The following GFAP variants were observed in gnomAD, a reference collection of about 807,000 sequenced individuals.
The protein encoded by GFAP is intermediate filament protein.
In GFAP, 38 loss-of-function variants were observed where a neutral mutation model predicts 49.3. The ratio of observed to expected loss-of-function variants is 0.77; its 90% CI spans 0.60 to 1.01. GFAP has a LOEUF of 1.01. Ranked by LOEUF, GFAP falls within the 50% of genes least tolerant of loss-of-function variation. The pLI is 0.00. For synonymous variants in GFAP, 222 were observed against 236.4 expected (o/e 0.94, Z 0.56); for missense variants, 463 against 579.1 (o/e 0.80, Z 2.06).
chr17:44,907,185 C>G lies in GFAP; in HGVS notation c.*162G>C, dbSNP rs891415429. ...TCTGGCAGGCCTGATACTGACGGAGCCTAGGGCAGCAAGCTGACCTAGGGA... is the reference window on the plus strand; with the variant it reads ...TCTGGCAGGCCTGATACTGACGGAGGCTAGGGCAGCAAGCTGACCTAGGGA... On this transcript the variant is annotated 3_prime_UTR_variant, in exon 9 of 9. Transcript: ENST00000588735. 3 of 701,854 alleles carry G rather than the reference C, an allele frequency of 4.3e-6. No individual in the cohort carries two copies. In the African/African-American group the frequency reaches 5.2e-5, roughly 12 times the overall value. 43.5% of individuals were successfully genotyped at this position (701,854 alleles called of 1,614,324 possible). A position where few individuals can be genotyped will look rare whatever the true frequency, so the allele number is the denominator to read the frequency against.
At position 44,907,077 on chromosome 17, in the gene GFAP, AGCT is replaced by A. The variant is rs1202350292; in HGVS notation, c.*267_*269del. 3.6e-6 allele frequency: 2 copies of A among 559,498 alleles called. No homozygotes were observed. The highest frequency in any genetic ancestry group is 6.4e-6 in the Non-Finnish European group (2 of 310,176). The allele number at this position is 559,498 out of a possible 1,614,324, so 34.7% of individuals were successfully genotyped here. ...TCTCCTTCCTCCTCATTCTAACGCA[AGCT>A]GCTGGCCATGCCCCTCCAGACTGCC... On this transcript the variant is annotated 3_prime_UTR_variant, in exon 9 of 9. Transcript: ENST00000588735.
chr17:44,903,375 T>C lies in GFAP; in HGVS notation c.*3972A>G. On this transcript the variant is annotated 3_prime_UTR_variant, in exon 9 of 9. Transcript: ENST00000588735. ...GCCATCAGCTCAGGTCCAGCCAGCC[T>C]CCCGGATGGCCAGATATGCAGGAGG... 8.0e-7 allele frequency: 1 copy of C among 1,248,872 alleles called. No homozygotes were observed. Among genetic ancestry groups the C allele is most frequent in the Non-Finnish European group, 1.0e-6 (1 of 997,850 alleles). 77.4% of individuals were successfully genotyped at this position (1,248,872 alleles called of 1,614,324 possible).
Position 44,914,108 on chromosome 17 carries a change from T to G in GFAP, c.462-20A>C. 6.5e-7 allele frequency: 1 copy of G among 1,542,010 alleles called. No homozygotes were observed. Among genetic ancestry groups the G allele is most frequent in the Non-Finnish European group, 8.8e-7 (1 of 1,137,928 alleles). On this transcript the variant is annotated intron_variant, in intron 1 of 8. Transcript: ENST00000588735. ...TGGAGCCTGGAGTGGGGGGACACAT[T>G]CCTGGGTCCAGGCTCTTCTGAGGAC...
chr17:44,914,460 C>G, intron 1 of GFAP: 1 of 270,298 alleles, frequency 3.7e-6, no homozygotes, highest in African/African-American at 2.2e-5. Context: ...CCTGGGGATT[C>G]CTCTGATCCC....
intron 3 of GFAP, 58 bp downstream of exon 3, chr17:44,913,670 C>CT: frequency 7.7e-7 from 1 of 1,295,006 alleles, no homozygotes; most frequent in South Asian, 1.2e-5. Context: ...GTCTCTGTCT[C>CT]TCCCTCTCTC....
chr17:44,904,639 C>G lies in GFAP; in HGVS notation c.*2708G>C, dbSNP rs1248619454. On this transcript the variant is annotated 3_prime_UTR_variant, in exon 9 of 9. Transcript: ENST00000588735. Reference sequence around the variant, plus strand: ...AAGTGGGCAGCCGGCCCTGGGTGCCCCAGGTGCCCATTCAGTTCCACCAGC... The same window carrying G: ...AAGTGGGCAGCCGGCCCTGGGTGCCGCAGGTGCCCATTCAGTTCCACCAGC... 2.6e-6 allele frequency: 4 copies of G among 1,550,428 alleles called. No individual in the cohort carries two copies. The African/African-American group carries it at 4.1e-5, about 16-fold the overall frequency.
chr17:44,910,324 G>A, intron 7 of GFAP: 1 of 1,613,336 alleles, frequency 6.2e-7, no homozygotes, highest in Non-Finnish European at 8.5e-7. Context: ...TGCTTGCTCA[G>A]GGATCTGCAG....
At position 44,904,393 on chromosome 17, in the gene GFAP, G is replaced by A; in HGVS notation, c.*2954C>T. On this transcript the variant is annotated 3_prime_UTR_variant, in exon 9 of 9. Coordinates refer to ENST00000588735, the MANE Select transcript of GFAP (RefSeq NM_002055.5). Reference sequence around the variant, plus strand: ...GCTGCGGAGTGCGTGGGGAGCAGTGGCGCATCGGCCTCTGCTACCTGCAGA... The same window carrying A: ...GCTGCGGAGTGCGTGGGGAGCAGTGACGCATCGGCCTCTGCTACCTGCAGA... 6.5e-7 allele frequency: 1 copy of A among 1,542,534 alleles called. No individual in the cohort carries two copies. The highest frequency in any genetic ancestry group is 8.8e-7 in the Non-Finnish European group (1 of 1,141,054).
Position 44,904,041 on chromosome 17 carries a change from TAGGTAGCAGCCACACCAA to T in GFAP, c.*3288_*3305del. 1 of 1,550,620 alleles carries T rather than the reference TAGGTAGCAGCCACACCAA, an allele frequency of 6.4e-7. No homozygotes were observed. The highest frequency in any genetic ancestry group is 8.7e-7 in the Non-Finnish European group (1 of 1,147,002). ...GTAGTCTGGTTCTACCAAAAGCACCTAGGTAGCAGCCACACCAAAGTGCTGACGGACTTTGATGGGCGG... is the reference window on the plus strand; with the variant it reads ...GTAGTCTGGTTCTACCAAAAGCACCTAGTGCTGACGGACTTTGATGGGCGG... On this transcript the variant is annotated 3_prime_UTR_variant, in exon 9 of 9. Transcript: ENST00000588735.
rs1401889101 is a variant in GFAP at position 44,903,817 on chromosome 17, G to A, written c.*3530C>T. 2.6e-6 allele frequency: 4 copies of A among 1,545,502 alleles called. No individual in the cohort carries two copies. Among genetic ancestry groups the A allele is most frequent in the Non-Finnish European group, 3.5e-6 (4 of 1,143,942 alleles). On this transcript the variant is annotated 3_prime_UTR_variant, in exon 9 of 9. Coordinates refer to ENST00000588735, the MANE Select transcript of GFAP (RefSeq NM_002055.5). The stretch of plus-strand genomic sequence containing the variant: ...GTTTTGCCCTGCCCCTCTGACCCCT[G>A]CCTCCTTCAGGTATGCACCTGGCCC...
Position 44,906,542 on chromosome 17 carries a change from C to T in GFAP, c.*805G>A, listed in dbSNP as rs2051654923. The T allele has an allele frequency of 6.5e-6, 1 of 152,672 alleles. No individual in the cohort carries two copies. The highest frequency in any genetic ancestry group is 2.4e-5 in the African/African-American group (1 of 41,458). 9.5% of individuals were successfully genotyped at this position (152,672 alleles called of 1,614,324 possible). A position where few individuals can be genotyped will look rare whatever the true frequency, so the allele number is the denominator to read the frequency against. On this transcript the variant is annotated 3_prime_UTR_variant, in exon 9 of 9. Coordinates refer to ENST00000588735, the MANE Select transcript of GFAP (RefSeq NM_002055.5). ...TGAGAATCAAGCTCCCACCTGCCCA[C>T]AGCGTGCCCACAGATGGCATCCCTG...
At chr17:44,909,923 C>A in intron 7 of GFAP, 2 of 1,416,242 alleles carry the variant, frequency 1.4e-6, no homozygotes, top group Non-Finnish European at 1.8e-6. Context: ...CAAGGACTCA[C>A]CACCTTTACC....
Position 44,905,300 on chromosome 17 carries a change from C to T in GFAP, c.*2047G>A, listed in dbSNP as rs962381027. The T allele has an allele frequency of 1.8e-6, 1 of 550,154 alleles. No homozygotes were observed. Among genetic ancestry groups the T allele is most frequent in the African/African-American group, 1.9e-5 (1 of 52,702 alleles). 34.1% of individuals were successfully genotyped at this position (550,154 alleles called of 1,614,324 possible). A position where few individuals can be genotyped will look rare whatever the true frequency, so the allele number is the denominator to read the frequency against. On this transcript the variant is annotated 3_prime_UTR_variant, in exon 9 of 9. Transcript: ENST00000588735. ...CTGAGCTCAGGATGGAAGTAGGGCA[C>T]ATGTGTTTCCTGACTTCACATTTAG...
intron 1 of GFAP, 77 bp downstream of exon 1, chr17:44,914,949 G>A (rs1462045209): frequency 7.4e-7 from 1 of 1,352,442 alleles, no homozygotes; most frequent in Non-Finnish European, 1.0e-6. Flanking sequence ...GCCCCTCCCT[G>A]AGACTTCTCG....
rs768811662 is a variant in GFAP at position 44,911,484 on chromosome 17, G to C, written c.907-28C>G. 5.7e-6 allele frequency: 9 copies of C among 1,580,166 alleles called. No homozygotes were observed. The East Asian group carries it at 2.0e-4, about 35-fold the overall frequency. ...GTGGGATGGAGCCGGCCGGTCCCGC[G>C]GAGCCCCGACCCGACTTGGGGAGGT... On this transcript the variant is annotated intron_variant, in intron 5 of 8. Coordinates refer to ENST00000588735, the MANE Select transcript of GFAP (RefSeq NM_002055.5).
intron 4 of GFAP, 149 bp from the exon 5 acceptor site, chr17:44,911,946 G>T (rs1355410428): frequency 4.7e-6 from 4 of 857,094 alleles, no homozygotes; most frequent in Non-Finnish European, 7.3e-6. Context: ...ATGGATGCGG[G>T]CAGGGTAGCG....
chr17:44,911,401 G>T lies in GFAP; in HGVS notation c.962C>A (p.Ala321Glu). The T allele has an allele frequency of 6.2e-7, 1 of 1,613,430 alleles. No individual in the cohort carries two copies. ...CGCCAGCGCCTCCTGATAACTGGCC[G>T]CCTCCCGCACGTGCCGCTCCTCCTG... is the stretch of plus-strand genomic sequence containing the variant. ...REQEERHVRE[A>E]ASYQEALARL... The change falls in exon 6 of 9, where the codon GCG becomes GAG. Residue 321 changes from alanine (A) to glutamate (E), a missense_variant. Ala to Glu is a moderately radical substitution (Grantham distance 107, BLOSUM62 -1). Transcript: ENST00000588735.
intron 1 of GFAP, chr17:44,914,659 C>T (rs997125894): frequency 3.4e-5 from 10 of 297,930 alleles, no homozygotes; most frequent in Non-Finnish European, 5.1e-5. Flanking sequence ...CAACCTTCTC[C>T]GCTTCCAACT....
At chr17:44,908,353 G>A in intron 7 of GFAP, 1 of 540,614 alleles carries the variant, frequency 1.8e-6, no homozygotes, top group Non-Finnish European at 3.3e-6. Context: ...TGGCTGCTCT[G>A]TCTTCTGGCC....
Sources: allele counts gnomAD v4.1 joint callset, GRCh38; gene constraint gnomAD v4.1.1; transcripts MANE v1.5; gene names NCBI Gene and HGNC (gene_info 2026-07-23, HGNC 2026-07-21).